The following PLCG2 variants were observed in gnomAD, a reference collection of about 807,000 sequenced individuals.
PLCG2 encodes the protein 1-phosphatidylinositol 4,5-bisphosphate phosphodiesterase gamma-2.
A neutral mutation model predicts 175.6 loss-of-function variants in PLCG2; 69 were observed. That is an observed-to-expected ratio of 0.39 (90% CI 0.32 to 0.48). The LOEUF (loss-of-function observed/expected upper bound fraction) is 0.48. PLCG2 is among the 20% of genes least tolerant of loss of function. The probability of loss-of-function intolerance (pLI) is 0.91; values close to 1 mark genes in which losing one functional copy is unlikely to be tolerated. For missense variants in PLCG2, 1,798 were observed against 1,650.9 expected (o/e 1.09, Z -1.54); for synonymous variants, 827 against 624.0 (o/e 1.33, Z -4.85).
chr16:81,908,169 G>A (rs1266013486), intron 16 of PLCG2, among the ~76,000 whole-genome samples: 2 of 152,184 alleles, frequency 1.3e-5, no homozygotes, highest in Non-Finnish European at 1.5e-5. Flanking sequence ...GGGCTTTGCT[G>A]GGAACCGTTC....
upstream of PLCG2, among the ~76,000 whole-genome samples, chr16:81,776,002 C>G (rs1371687924): frequency 2.0e-5 from 3 of 151,992 alleles, no homozygotes; most frequent in Non-Finnish European, 4.4e-5. Flanking sequence ...TTAACCCACT[C>G]TAGCCCTCTG....
At chr16:81,821,016 T>C (rs1390643209) in intron 2 of PLCG2, among the ~76,000 whole-genome samples, 1 of 151,380 alleles carries the variant, frequency 6.6e-6, no homozygotes, top group Non-Finnish European at 1.5e-5. Flanking sequence ...CTCAGCCTCC[T>C]GAGTAGCTGG....
chr16:81,818,089 T>C (rs1904631816), intron 2 of PLCG2, among the ~76,000 whole-genome samples: 1 of 152,216 alleles, frequency 6.6e-6, no homozygotes, highest in African/African-American at 2.4e-5. Flanking sequence ...CCCTGATCTG[T>C]GAAGTGAGAA....
chr16:81,766,280 T>G (rs10445097), intron 2 of PLCG2, among the ~76,000 whole-genome samples: 116,536 of 152,098 alleles, frequency 0.77, 45,133 homozygotes, highest in Admixed American at 0.84. Context: ...AAACACAGCC[T>G]CTCCTAGGGG....
chr16:81,781,489 G>A (rs1479621338), intron 1 of PLCG2, among the ~76,000 whole-genome samples: 1 of 151,556 alleles, frequency 6.6e-6, no homozygotes, highest in East Asian at 1.9e-4. Context: ...GCATCTTTGT[G>A]CATGTCTTTC....
intron 26 of PLCG2, 129 bp from the exon 27 acceptor site, chr16:81,936,040 C>T: frequency 6.8e-7 from 1 of 1,469,370 alleles, no homozygotes; most frequent in South Asian, 1.4e-5. Flanking sequence ...TCATCAGAAC[C>T]CCTTGAATGT....
chr16:81,855,084 C>G (rs957478331), intron 3 of PLCG2, among the ~76,000 whole-genome samples: 1 of 151,642 alleles, frequency 6.6e-6, no homozygotes, highest in African/African-American at 2.4e-5. Context: ...GTGGTGCGCA[C>G]CTGTAGTCAC....
At position 81,962,031 on chromosome 16, in the gene PLCG2, T is replaced by C. The variant is rs1285033526; in HGVS notation, c.*4033T>C. 1.0e-5 allele frequency: 2 copies of C among 191,398 alleles called. No individual in the cohort carries two copies. The highest frequency in any genetic ancestry group is 2.2e-5 in the Non-Finnish European group (2 of 89,632). The allele number at this position is 191,398 out of a possible 1,614,324, so 11.9% of individuals were successfully genotyped here. A position where few individuals can be genotyped will look rare whatever the true frequency, so the allele number is the denominator to read the frequency against. On this transcript the variant is annotated 3_prime_UTR_variant, in exon 33 of 33. Transcript: ENST00000564138. ...GGGTGTCCCCTTCCTACCTCACCGCTCCATGTGCGTCCCTCCCGAAGCTGC... is the reference window on the plus strand; with the variant it reads ...GGGTGTCCCCTTCCTACCTCACCGCCCCATGTGCGTCCCTCCCGAAGCTGC...
chr16:81,892,898 A>G (rs1025999487), intron 11 of PLCG2, among the ~76,000 whole-genome samples: 14 of 144,890 alleles, frequency 9.7e-5, no homozygotes, highest in African/African-American at 3.6e-4. Context: ...CCCAGGCTGG[A>G]GTGCATTGGT....
At chr16:81,899,580 G>A (rs6564932) in intron 13 of PLCG2, among the ~76,000 whole-genome samples, 87,063 of 151,960 alleles carry the variant, frequency 0.57, 25,353 homozygotes, top group East Asian at 0.78. Flanking sequence ...GGTCTACAGC[G>A]TGAAAGCTTC....
chr16:81,852,640 C>A (rs547536815), intron 2 of PLCG2, among the ~76,000 whole-genome samples: 2 of 152,106 alleles, frequency 1.3e-5, no homozygotes, highest in African/African-American at 2.4e-5. Flanking sequence ...AGTTGCAGAA[C>A]GGAAGGATTT....
chr16:81,908,996 C>G (rs143372861), intron 17 of PLCG2, among the ~76,000 whole-genome samples: 1 of 152,148 alleles, frequency 6.6e-6, no homozygotes, highest in Non-Finnish European at 1.5e-5. Flanking sequence ...CTCCATAAAA[C>G]GAGGACTCTA....
chr16:81,957,124 C>G (rs934367397), intron 32 of PLCG2, among the ~76,000 whole-genome samples: 25 of 151,916 alleles, frequency 1.6e-4, no homozygotes, highest in African/African-American at 5.8e-4. Context: ...CATGGAGAAA[C>G]CCTGTCTCTA....
intron 2 of PLCG2, among the ~76,000 whole-genome samples, chr16:81,832,387 G>T (rs528597544): frequency 6.6e-6 from 1 of 152,144 alleles, no homozygotes; most frequent in Non-Finnish European, 1.5e-5. Flanking sequence ...AGTAGAATCT[G>T]TCCCCACCCT....
chr16:81,881,281 A>T (rs1417611988), intron 8 of PLCG2, among the ~76,000 whole-genome samples: 1 of 152,182 alleles, frequency 6.6e-6, no homozygotes, highest in Non-Finnish European at 1.5e-5. Context: ...AATGTTAATG[A>T]TCAAATAAGT....
At position 81,958,732 on chromosome 16, in the gene PLCG2, T is replaced by A. The variant is rs1372471444; in HGVS notation, c.*734T>A. 1 of 221,552 alleles carries A rather than the reference T, an allele frequency of 4.5e-6. No homozygotes were observed. Among genetic ancestry groups the A allele is most frequent in the East Asian group, 6.6e-5 (1 of 15,242 alleles). The allele number at this position is 221,552 out of a possible 1,614,324, so 13.7% of individuals were successfully genotyped here. A position where few individuals can be genotyped will look rare whatever the true frequency, so the allele number is the denominator to read the frequency against. ...GCAGGGGCAGGTTCTCACTTGCCCCTGGCTCTGCCAGCTGCTGGGAGGCTC... is the reference window on the plus strand; with the variant it reads ...GCAGGGGCAGGTTCTCACTTGCCCCAGGCTCTGCCAGCTGCTGGGAGGCTC... On this transcript the variant is annotated 3_prime_UTR_variant, in exon 33 of 33. Transcript: ENST00000564138.
chr16:81,934,050 C>T (rs1263529401), intron 25 of PLCG2, among the ~76,000 whole-genome samples: 2 of 152,076 alleles, frequency 1.3e-5, no homozygotes, highest in Non-Finnish European at 2.9e-5. Flanking sequence ...CCACAGAGCC[C>T]CCGAGGATTT....
chr16:81,866,495 C>T (rs1907242530), intron 5 of PLCG2, among the ~76,000 whole-genome samples: 1 of 81,778 alleles, frequency 1.2e-5, no homozygotes, highest in African/African-American at 3.6e-5. Flanking sequence ...ACTGGGGCAC[C>T]AGCATGAGAG....
rs1280700955 is a variant in PLCG2 at position 81,957,695 on chromosome 16, C to T, written c.3756-261C>T. Among the ~76,000 whole-genome samples the T allele has an allele frequency of 2.0e-5, 3 of 152,134 alleles. No homozygotes were observed. The East Asian group carries it at 5.8e-4, about 29-fold the overall frequency. ...AGCCACCAACGAGAAACTGTGCTGCCTCCCTTACTCACATTATTCTCATTG... is the reference window on the plus strand; with the variant it reads ...AGCCACCAACGAGAAACTGTGCTGCTTCCCTTACTCACATTATTCTCATTG... On this transcript the variant is annotated intron_variant, in intron 32 of 32. Transcript: ENST00000564138.
Sources: allele counts gnomAD v4.1 joint callset (sites outside exome capture counted in the v4.1 genomes callset), GRCh38; gene constraint gnomAD v4.1.1; transcripts MANE v1.5; gene names NCBI Gene and HGNC (gene_info 2026-07-23, HGNC 2026-07-21).